DLGAP2: variants seen among roughly 807,000 people sequenced by gnomAD.
DLGAP2 encodes disks large-associated protein 2.
A neutral mutation model predicts 100.3 loss-of-function variants in DLGAP2; 26 were observed. That is an observed-to-expected ratio of 0.26 (90% CI 0.19 to 0.36). The LOEUF is 0.36. Among genes scored for constraint, DLGAP2 ranks in the 10% least tolerant of loss-of-function variants. DLGAP2 has a pLI of 1.00. For missense variants in DLGAP2, 1,858 were observed against 1,453.2 expected (o/e 1.28, Z -4.53); for synonymous variants, 886 against 630.1 (o/e 1.41, Z -6.08).
At chr8:1,666,835 G>T (rs1040907378) in intron 8 of DLGAP2, among the ~76,000 whole-genome samples, 2 of 152,174 alleles carry the variant, frequency 1.3e-5, no homozygotes, top group African/African-American at 4.8e-5. Context: ...TCCACTCATG[G>T]GTTAAAAATG....
At chr8:1,067,727 C>G (rs1228256331) in intron 2 of DLGAP2, among the ~76,000 whole-genome samples, 2 of 151,942 alleles carry the variant, frequency 1.3e-5, no homozygotes, top group Non-Finnish European at 2.9e-5. Context: ...GGCCCCTGCC[C>G]CACCCACGCC....
At chr8:1,216,967 A>C (rs915799647) in intron 2 of DLGAP2, among the ~76,000 whole-genome samples, 6 of 151,984 alleles carry the variant, frequency 3.9e-5, no homozygotes, top group African/African-American at 1.2e-4. Context: ...TTTTTCTTCA[A>C]CTTTTACCTT....
At chr8:1,388,619 G>A (rs1291388031) in intron 3 of DLGAP2, among the ~76,000 whole-genome samples, 1 of 86,286 alleles carries the variant, frequency 1.2e-5, no homozygotes, top group African/African-American at 4.3e-5. Context: ...CCGTGGATGG[G>A]GAGGCTCTGG....
At chr8:1,657,478 A>G (rs1207573326) in intron 8 of DLGAP2, among the ~76,000 whole-genome samples, 1 of 152,246 alleles carries the variant, frequency 6.6e-6, no homozygotes, top group African/African-American at 2.4e-5. Context: ...AATGTGTAAA[A>G]TGCTTTCATT....
chr8:1,417,725 A>C (rs551310563), intron 3 of DLGAP2, among the ~76,000 whole-genome samples: 1 of 144,248 alleles, frequency 6.9e-6, no homozygotes, highest in Admixed American at 6.7e-5. Context: ...GCGAGGCTCC[A>C]GACACAGAAG....
intron 3 of DLGAP2, among the ~76,000 whole-genome samples, chr8:1,356,275 C>T (rs1757566285): frequency 6.6e-6 from 1 of 152,246 alleles, no homozygotes; most frequent in African/African-American, 2.4e-5. Context: ...CTGCTGTCAG[C>T]TGTCCTCTGG....
chr8:1,664,677 C>T (rs1036605243), intron 8 of DLGAP2, among the ~76,000 whole-genome samples: 2 of 152,196 alleles, frequency 1.3e-5, no homozygotes, highest in Non-Finnish European at 2.9e-5. Flanking sequence ...ACATTCAGTT[C>T]GACCTGGACA....
At chr8:1,333,105 G>T (rs904351090) in intron 3 of DLGAP2, among the ~76,000 whole-genome samples, 1 of 152,180 alleles carries the variant, frequency 6.6e-6, no homozygotes, top group African/African-American at 2.4e-5. Context: ...CGGGCGGTCT[G>T]TTCCTCCTAA....
intron 3 of DLGAP2, among the ~76,000 whole-genome samples, chr8:1,418,629 C>A (rs1390042293): frequency 6.6e-6 from 1 of 152,174 alleles, no homozygotes; most frequent in South Asian, 2.1e-4. Context: ...TTCTCGACAC[C>A]AAATGCAAGA....
chr8:1,308,566 C>T (rs777465363), intron 3 of DLGAP2, among the ~76,000 whole-genome samples: 48 of 152,192 alleles, frequency 3.2e-4, no homozygotes, highest in Non-Finnish European at 2.9e-5. Context: ...ACTCTTGTTG[C>T]CCAGGCTGGA....
Position 1,682,527 on chromosome 8 carries a change from T to G in DLGAP2, c.2704+3898T>G, listed in dbSNP as rs182175335. Among the ~76,000 whole-genome samples the G allele has an allele frequency of 3.0e-3, 459 of 151,400 alleles. 5 individuals are homozygous for G. The highest frequency in any genetic ancestry group is 1.8e-3 in the Non-Finnish European group (122 of 67,886). On this transcript the variant is annotated intron_variant, in intron 12 of 14. Transcript: ENST00000637795. Reference sequence around the variant, plus strand: ...TCTTGCTCTTTCTCCCAGGCTGGAGTGCAATGGCACGATCTCAGCTCACTG... The same window carrying G: ...TCTTGCTCTTTCTCCCAGGCTGGAGGGCAATGGCACGATCTCAGCTCACTG...
At chr8:788,055 C>T (rs551158476) in intron 1 of DLGAP2, among the ~76,000 whole-genome samples, 8 of 152,352 alleles carry the variant, frequency 5.3e-5, no homozygotes, top group South Asian at 2.1e-4. Flanking sequence ...AAAGGCACAG[C>T]GATGGCACTG....
rs1563052097 is a variant in DLGAP2 at position 1,267,625 on chromosome 8, A to AG, written c.106+8742_106+8743insG. Among the ~76,000 whole-genome samples the AG allele has an allele frequency of 8.0e-3, 1,024 of 127,452 alleles. 92 individuals are homozygous for AG. The highest frequency in any genetic ancestry group is 0.034 in the African/African-American group (926 of 27,190). 83.6% of individuals were successfully genotyped at this position (127,452 alleles called of 152,430 possible). A position where few individuals can be genotyped will look rare whatever the true frequency, so the allele number is the denominator to read the frequency against. ...AGATAAGATAAGATAAGATAAGATA[A>AG]ATATTAAATAGGTCTACAAAAAGGC... On this transcript the variant is annotated intron_variant, in intron 3 of 14. Coordinates refer to ENST00000637795, the MANE Select transcript of DLGAP2 (RefSeq NM_001346810.2).
chr8:1,136,522 C>G (rs565561214), intron 2 of DLGAP2, among the ~76,000 whole-genome samples: 1 of 152,224 alleles, frequency 6.6e-6, no homozygotes, highest in Non-Finnish European at 1.5e-5. Flanking sequence ...GTGAGGGCCA[C>G]GGCAGACAAC....
rs1799242408 is a variant in DLGAP2 at position 943,496 on chromosome 8, A to G, written c.73+35530A>G. Among the ~76,000 whole-genome samples the G allele has an allele frequency of 7.2e-5, 11 of 152,356 alleles. 1 individual carries two copies. The South Asian group carries it at 2.3e-3, about 32-fold the overall frequency. Reference sequence around the variant, plus strand: ...CGTCATGACGCGGCCATCCCGCCACAAGCACAGCAAGAACCGCTGTGTACA... The same window carrying G: ...CGTCATGACGCGGCCATCCCGCCACGAGCACAGCAAGAACCGCTGTGTACA... On this transcript the variant is annotated intron_variant, in intron 2 of 14. Transcript: ENST00000637795.
intron 3 of DLGAP2, chr8:1,262,620 C>T (rs1222788186): frequency 1.3e-5 from 2 of 152,144 alleles, no homozygotes; most frequent in Non-Finnish European, 2.9e-5. Flanking sequence ...AATACTAAGA[C>T]GGTCTCAATT....
chr8:742,859 G>C (rs1025663848), intron 1 of DLGAP2, among the ~76,000 whole-genome samples: 2 of 152,086 alleles, frequency 1.3e-5, no homozygotes, highest in Admixed American at 6.6e-5. Context: ...TCATCACTAA[G>C]AGTGGGGCCA....
chr8:1,577,561 C>G (rs1803036218), intron 6 of DLGAP2, among the ~76,000 whole-genome samples: 1 of 99,466 alleles, frequency 1.0e-5, no homozygotes, highest in Admixed American at 9.4e-5. Context: ...GAATTACACT[C>G]TCTCTCAAAA....
chr8:1,354,286 G>T (rs1801799402), intron 3 of DLGAP2, among the ~76,000 whole-genome samples: 1 of 152,152 alleles, frequency 6.6e-6, no homozygotes, highest in Admixed American at 6.6e-5. Context: ...CGGGTGGATT[G>T]CCTGAGGCCA....
Sources: gnomAD v4.1 joint callset for allele counts (sites outside exome capture counted in the v4.1 genomes callset) on GRCh38, gnomAD v4.1.1 for gene constraint, MANE v1.5 for transcripts, NCBI Gene and HGNC (gene_info 2026-07-23, HGNC 2026-07-21) for gene names.